ANKRD12: variants seen among roughly 807,000 people sequenced by gnomAD.
ANKRD12 encodes the protein ankyrin repeat domain-containing protein 12.
ANKRD12 carries 85 observed loss-of-function variants against 183.4 expected under a neutral mutation model. That is an observed-to-expected ratio of 0.46 (90% CI 0.39 to 0.56). The LOEUF is 0.56. Ranked by LOEUF, ANKRD12 falls within the 20% of genes least tolerant of loss-of-function variation. The pLI is 0.00. For missense variants in ANKRD12, 2,405 were observed against 2,357.1 expected (o/e 1.02, Z -0.42); for synonymous variants, 914 against 800.2 (o/e 1.14, Z -2.40).
intron 9 of ANKRD12, among the ~76,000 whole-genome samples, chr18:9,260,636 G>C (rs2038913067): frequency 6.6e-6 from 1 of 152,180 alleles, no homozygotes; most frequent in Non-Finnish European, 1.5e-5. Context: ...ATGAGAAGCT[G>C]TCAGGGGAGC....
chr18:9,214,311 A>G (rs1486949853), intron 6 of ANKRD12, among the ~76,000 whole-genome samples: 1 of 152,168 alleles, frequency 6.6e-6, no homozygotes, highest in African/African-American at 2.4e-5. Flanking sequence ...ATTCAGAATC[A>G]GGAGAAATGT....
At chr18:9,219,495 G>A (rs1321636617) in intron 7 of ANKRD12, among the ~76,000 whole-genome samples, 1 of 152,152 alleles carries the variant, frequency 6.6e-6, no homozygotes, top group Non-Finnish European at 1.5e-5. Flanking sequence ...AGCAGTTACT[G>A]ATGTAGAACA....
chr18:9,256,221 G>T lies in ANKRD12; in HGVS notation c.2954G>T (p.Ser985Ile). The T allele has an allele frequency of 1.3e-6, 2 of 1,585,742 alleles. No homozygotes were observed. Among genetic ancestry groups the T allele is most frequent in the Non-Finnish European group, 1.7e-6 (2 of 1,171,324 alleles). ...SKHIQEEKKSSIVDGNKAQHE... is the reference protein window; with the variant it reads ...SKHIQEEKKSIIVDGNKAQHE... ...CACATACAGGAAGAAAAAAAATCAAGTATAGTAGACGGTAATAAAGCACAA... is the reference window on the plus strand; with the variant it reads ...CACATACAGGAAGAAAAAAAATCAATTATAGTAGACGGTAATAAAGCACAA... The change falls in exon 9 of 13, where the codon AGT (serine) becomes ATT (isoleucine). Residue 985 changes from serine (S) to isoleucine (I), a missense_variant. Transcript: ENST00000262126.
At chr18:9,185,598 C>G (rs2033994068) in intron 2 of ANKRD12, among the ~76,000 whole-genome samples, 1 of 151,982 alleles carries the variant, frequency 6.6e-6, no homozygotes, top group Non-Finnish European at 1.5e-5. Context: ...GAACTCAAAA[C>G]AAGTCTGGAT....
At chr18:9,226,151 C>T (rs1050856816) in intron 8 of ANKRD12, among the ~76,000 whole-genome samples, 17 of 152,122 alleles carry the variant, frequency 1.1e-4, no homozygotes, top group African/African-American at 2.7e-4. Context: ...AGGCCGGGCA[C>T]GGTGGCTCAC....
Position 9,279,590 on chromosome 18 carries a change from A to T in ANKRD12, c.5949A>T (p.Ala1983=). 6.2e-7 allele frequency: 1 copy of T among 1,608,764 alleles called. No homozygotes were observed. Among genetic ancestry groups the T allele is most frequent in the Non-Finnish European group, 8.5e-7 (1 of 1,178,678 alleles). ...SKTSVRDRFN[A]RQFMSWLQDV... ...CTTCTGTGAGGGATCGCTTTAATGC[A>T]AGACAATTCATGTCTTGGTTACAAG... The change falls in exon 12 of 13, where the codon GCA becomes GCT. Residue 1983 remains alanine, a synonymous_variant. Coordinates refer to ENST00000262126, the MANE Select transcript of ANKRD12 (RefSeq NM_015208.5).
rs564303105 is a variant in ANKRD12 at position 9,164,379 on chromosome 18, T to C, written c.-51-18003T>C. On this transcript the variant is annotated intron_variant, in intron 1 of 12. Coordinates refer to ENST00000262126, the MANE Select transcript of ANKRD12 (RefSeq NM_015208.5). ...ATGCCAGGGGTGAAACCAACTTGAT[T>C]TTTTTGTGTGTCTGTCTCCTTCAGT... Among the ~76,000 whole-genome samples the C allele has an allele frequency of 3.9e-5, 6 of 152,092 alleles. No homozygotes were observed. The South Asian group carries it at 1.2e-3, about 32-fold the overall frequency.
At chr18:9,227,620 G>A (rs1463677494) in intron 8 of ANKRD12, among the ~76,000 whole-genome samples, 1 of 152,048 alleles carries the variant, frequency 6.6e-6, no homozygotes, top group Non-Finnish European at 1.5e-5. Flanking sequence ...AAATTGCCGT[G>A]GTTTGAAATC....
intron 1 of ANKRD12, among the ~76,000 whole-genome samples, chr18:9,171,201 T>C (rs901277873): frequency 6.6e-6 from 1 of 152,168 alleles, no homozygotes; most frequent in Admixed American, 6.5e-5. Flanking sequence ...TCAAGCTGTG[T>C]GCTGGGAGAA....
At chr18:9,167,610 A>G (rs2032218329) in intron 1 of ANKRD12, among the ~76,000 whole-genome samples, 1 of 152,050 alleles carries the variant, frequency 6.6e-6, no homozygotes, top group Non-Finnish European at 1.5e-5. Context: ...GCTTGAGGAG[A>G]TTTTGGGCTG....
chr18:9,227,850 A>G (rs2036813543), intron 8 of ANKRD12, among the ~76,000 whole-genome samples: 1 of 152,162 alleles, frequency 6.6e-6, no homozygotes, highest in South Asian at 2.1e-4. Context: ...AATATACATA[A>G]TACTGTTGCT....
rs371533373 is a variant in ANKRD12, at chr18:9,211,615, G to A, written c.483G>A (p.Thr161=). 7.1e-5 allele frequency: 115 copies of A among 1,613,568 alleles called. No homozygotes were observed. Among genetic ancestry groups the A allele is most frequent in the South Asian group, 1.1e-4 (10 of 91,064 alleles). Residue 161 remains threonine, a synonymous_variant, in exon 6 of 13, where the codon ACG becomes ACA. Coordinates refer to ENST00000262126, the MANE Select transcript of ANKRD12 (RefSeq NM_015208.5). Reference sequence around the variant, plus strand: ...CACCAAATCATCCATCACAAACAACGCCTGCCCAAAAGAAAACTCCCAGTT... The same window carrying A: ...CACCAAATCATCCATCACAAACAACACCTGCCCAAAAGAAAACTCCCAGTT... ...DSTPNHPSQT[T]PAQKKTPSSS...
chr18:9,194,272 G>A (rs2034634473), intron 2 of ANKRD12, among the ~76,000 whole-genome samples: 1 of 152,054 alleles, frequency 6.6e-6, no homozygotes, highest in African/African-American at 2.4e-5. Context: ...TAAGTTTCTA[G>A]GTGATGCTGA....
intron 8 of ANKRD12, among the ~76,000 whole-genome samples, chr18:9,246,331 T>C (rs2037960514): frequency 6.6e-6 from 1 of 152,184 alleles, no homozygotes; most frequent in African/African-American, 2.4e-5. Flanking sequence ...AGTACTTTTA[T>C]AATAAAAGTA....
intron 8 of ANKRD12, among the ~76,000 whole-genome samples, chr18:9,226,261 T>TA (rs983509663): frequency 6.6e-6 from 1 of 151,900 alleles, no homozygotes; most frequent in African/African-American, 2.4e-5. Flanking sequence ...CCATCTCTAT[T>TA]AAAGGTACAA....
chr18:9,208,613 C>T, intron 4 of ANKRD12, 44 bp from the exon 5 acceptor site: 4 of 1,555,478 alleles, frequency 2.6e-6, no homozygotes, highest in South Asian at 1.2e-5. Context: ...CTTTTGAGTA[C>T]TTGGATTTGT....
chr18:9,144,897 C>T (rs2078443011), intron 1 of ANKRD12, among the ~76,000 whole-genome samples: 1 of 151,580 alleles, frequency 6.6e-6, no homozygotes. Flanking sequence ...GTAATACATA[C>T]ATTATGTAAT....
rs746562782 is a variant in ANKRD12, at chr18:9,256,369, A to C, written c.3102A>C (p.Lys1034Asn). 1.2e-6 allele frequency: 2 copies of C among 1,600,374 alleles called. No individual in the cohort carries two copies. The highest frequency in any genetic ancestry group is 1.7e-6 in the Non-Finnish European group (2 of 1,174,594). ...IDRYKERDKH[K>N]DKIQINSLLK... is the part of the protein sequence containing the mutation. The stretch of plus-strand genomic sequence containing the variant: ...GATACAAAGAACGAGACAAACATAA[A>C]GATAAAATTCAAATAAATAGCTTAC... Residue 1034 changes from lysine to asparagine, a missense_variant, in exon 9 of 13, where the codon AAA becomes AAC. Physicochemically the swap from Lys to Asn is moderately conservative, Grantham distance 94 (BLOSUM62 0). Coordinates refer to ENST00000262126, the MANE Select transcript of ANKRD12 (RefSeq NM_015208.5).
intron 1 of ANKRD12, among the ~76,000 whole-genome samples, chr18:9,177,464 A>G (rs1173523516): frequency 1.3e-5 from 2 of 152,090 alleles, no homozygotes; most frequent in Admixed American, 1.3e-4. Flanking sequence ...TAATATTTGT[A>G]CATATTTAGG....
Sources: allele counts gnomAD v4.1 joint callset (sites outside exome capture counted in the v4.1 genomes callset), GRCh38; gene constraint gnomAD v4.1.1; transcripts MANE v1.5; gene names NCBI Gene and HGNC (gene_info 2026-07-23, HGNC 2026-07-21).